The following HMGCLL1 variants were observed in gnomAD, a reference collection of about 807,000 sequenced individuals.
The protein encoded by HMGCLL1 is 3-hydroxy-3-methylglutaryl-CoA lyase like 1.
HMGCLL1 carries 36 observed loss-of-function variants against 39.1 expected under a neutral mutation model. The ratio of observed to expected loss-of-function variants is 0.92; its 90% CI spans 0.71 to 1.22. The LOEUF is 1.22. Among genes scored for constraint, HMGCLL1 ranks in the 50% most tolerant of loss-of-function variants. The probability of loss-of-function intolerance (pLI) is 0.00; values close to 1 mark genes in which losing one functional copy is unlikely to be tolerated. For missense variants in HMGCLL1, 451 were observed against 416.5 expected (o/e 1.08, Z -0.72); for synonymous variants, 149 against 144.0 (o/e 1.03, Z -0.25).
At chr6:55,506,877 C>G (rs914426148) in intron 5 of HMGCLL1, among the ~76,000 whole-genome samples, 1 of 151,606 alleles carries the variant, frequency 6.6e-6, no homozygotes, top group Non-Finnish European at 1.5e-5. Context: ...TTGCTAACAT[C>G]TATGGTAAGA....
At chr6:55,612,650 A>G in the HMGCLL1 span, among the ~76,000 whole-genome samples, 1 of 152,130 alleles carries the variant, frequency 6.6e-6, no homozygotes, top group African/African-American at 2.4e-5. Context: ...AAGACCACAC[A>G]TGTACAACTA....
intron 7 of HMGCLL1, among the ~76,000 whole-genome samples, chr6:55,479,601 A>G (rs1765623381): frequency 6.6e-6 from 1 of 151,342 alleles, no homozygotes; most frequent in African/African-American, 2.4e-5. Flanking sequence ...CTTTATATCC[A>G]TTTTTCATTT....
intron 7 of HMGCLL1, among the ~76,000 whole-genome samples, chr6:55,490,713 G>T (rs1043582736): frequency 6.6e-6 from 1 of 152,068 alleles, no homozygotes; most frequent in Non-Finnish European, 1.5e-5. Flanking sequence ...CTGTAGCTCA[G>T]AAACAGCTTT....
intron 1 of HMGCLL1, among the ~76,000 whole-genome samples, chr6:55,573,508 T>C (rs553213446): frequency 7.9e-5 from 12 of 152,174 alleles, no homozygotes; most frequent in South Asian, 2.1e-4. Flanking sequence ...TTAGAAATCA[T>C]AGAAACACTT....
chr6:55,660,115 A>G, the HMGCLL1 span, among the ~76,000 whole-genome samples: 1 of 151,818 alleles, frequency 6.6e-6, no homozygotes, highest in African/African-American at 2.4e-5. Flanking sequence ...GAACTATCTA[A>G]TTTATGCACC....
At chr6:55,481,233 T>A (rs764623138) in intron 7 of HMGCLL1, among the ~76,000 whole-genome samples, 1 of 151,666 alleles carries the variant, frequency 6.6e-6, no homozygotes, top group African/African-American at 2.4e-5. Flanking sequence ...ACAAAAATTA[T>A]CTAGGTATGG....
At chr6:55,640,546 C>A in the HMGCLL1 span, among the ~76,000 whole-genome samples, 2 of 151,554 alleles carry the variant, frequency 1.3e-5, no homozygotes, top group African/African-American at 2.4e-5. Flanking sequence ...TGTAAAACCT[C>A]ACATTCAAGA....
chr6:55,647,461 G>C, the HMGCLL1 span, among the ~76,000 whole-genome samples: 3 of 151,756 alleles, frequency 2.0e-5, 1 homozygote, highest in Non-Finnish European at 4.4e-5. Flanking sequence ...TTGTTTTACA[G>C]TCTTCTCTTC....
At chr6:55,504,699 T>C (rs1004280284) in intron 5 of HMGCLL1, among the ~76,000 whole-genome samples, 11 of 151,608 alleles carry the variant, frequency 7.3e-5, no homozygotes, top group Non-Finnish European at 1.3e-4. Flanking sequence ...TTTTGATTCA[T>C]AGTTGGTTGA....
intron 7 of HMGCLL1, among the ~76,000 whole-genome samples, chr6:55,491,915 T>C (rs571291692): frequency 7.9e-5 from 12 of 151,844 alleles, no homozygotes; most frequent in African/African-American, 1.7e-4. Flanking sequence ...CCATAAATCA[T>C]ATATTTAAGT....
At chr6:55,616,808 A>T in the HMGCLL1 span, among the ~76,000 whole-genome samples, 1 of 152,072 alleles carries the variant, frequency 6.6e-6, no homozygotes, top group South Asian at 2.1e-4. Flanking sequence ...AGAATAAAAC[A>T]TTATGAAACT....
the HMGCLL1 span, among the ~76,000 whole-genome samples, chr6:55,613,798 T>C: frequency 0.45 from 67,661 of 151,162 alleles, 15,918 homozygotes; most frequent in Middle Eastern, 0.61. Flanking sequence ...GGAGGGAGAG[T>C]ATTGGGTCAA....
the HMGCLL1 span, among the ~76,000 whole-genome samples, chr6:55,592,228 T>G: frequency 6.6e-6 from 1 of 151,992 alleles, no homozygotes; most frequent in Non-Finnish European, 1.5e-5. Context: ...TGTCTTTTAT[T>G]TTACCTTTCT....
At chr6:55,546,971 A>G (rs1377769155) in intron 1 of HMGCLL1, among the ~76,000 whole-genome samples, 1 of 152,200 alleles carries the variant, frequency 6.6e-6, no homozygotes, top group East Asian at 1.9e-4. Flanking sequence ...TAACAATAAA[A>G]GAAATACTAT....
At chr6:55,612,053 C>T in the HMGCLL1 span, among the ~76,000 whole-genome samples, 1 of 151,974 alleles carries the variant, frequency 6.6e-6, no homozygotes, top group Non-Finnish European at 1.5e-5. Flanking sequence ...AATACCCCAT[C>T]GTCTCAGGCC....
chr6:55,625,810 CA>C, the HMGCLL1 span, among the ~76,000 whole-genome samples: 1 of 152,072 alleles, frequency 6.6e-6, no homozygotes, highest in African/African-American at 2.4e-5. Context: ...GATGAGTGGT[CA>C]AAAACTGTGA....
At chr6:55,462,036 C>T (rs1027436193) in intron 7 of HMGCLL1, among the ~76,000 whole-genome samples, 8 of 152,106 alleles carry the variant, frequency 5.3e-5, no homozygotes, top group African/African-American at 1.7e-4. Flanking sequence ...CAACACCAAA[C>T]AATCTTTCCA....
At chr6:55,568,851 T>C (rs891559757) in intron 1 of HMGCLL1, among the ~76,000 whole-genome samples, 3 of 136,060 alleles carry the variant, frequency 2.2e-5, no homozygotes, top group Non-Finnish European at 4.8e-5. Context: ...GGAAGTAAAA[T>C]GAAACACACA....
At chr6:55,653,827 T>G in the HMGCLL1 span, among the ~76,000 whole-genome samples, 6 of 151,958 alleles carry the variant, frequency 3.9e-5, no homozygotes, top group African/African-American at 1.4e-4. Context: ...CCAAAGTACC[T>G]GATTACAAAT....
Sources: gnomAD v4.1 joint callset for allele counts (sites outside exome capture counted in the v4.1 genomes callset) on GRCh38, gnomAD v4.1.1 for gene constraint, MANE v1.5 for transcripts, NCBI Gene and HGNC (gene_info 2026-07-23, HGNC 2026-07-21) for gene names.